HTR1E: variants seen among roughly 807,000 people sequenced by gnomAD.
HTR1E encodes 5-HT-1E.
In HTR1E, 3 loss-of-function variants were observed where a neutral mutation model predicts 3.4. The ratio of observed to expected loss-of-function variants is 0.89; its 90% confidence interval spans 0.41 to 2.31. HTR1E has a LOEUF of 2.31. HTR1E is among the 30% of genes most tolerant of loss of function. HTR1E has a pLI of 0.05. For missense variants in HTR1E, 392 were observed against 467.0 expected (o/e 0.84, Z 1.48); for synonymous variants, 170 against 182.8 (o/e 0.93, Z 0.56).
At chr6:86,938,184 G>A (rs986207917) in intron 1 of HTR1E, among the ~76,000 whole-genome samples, 6 of 152,158 alleles carry the variant, frequency 3.9e-5, no homozygotes, top group African/African-American at 1.4e-4. Context: ...GAAAACTTGA[G>A]TAGAAATCAC....
chr6:86,986,971 A>G (rs924071024), intron 1 of HTR1E, among the ~76,000 whole-genome samples: 24 of 152,214 alleles, frequency 1.6e-4, no homozygotes, highest in African/African-American at 5.3e-4. Flanking sequence ...GACAAAGTAA[A>G]TATTGGAAAC....
At chr6:87,007,513 T>G (rs1391677243) in intron 1 of HTR1E, among the ~76,000 whole-genome samples, 1 of 152,252 alleles carries the variant, frequency 6.6e-6, no homozygotes, top group Non-Finnish European at 1.5e-5. Context: ...GAATAAATGC[T>G]GAGGTATTAA....
intron 1 of HTR1E, among the ~76,000 whole-genome samples, chr6:86,981,953 C>T (rs1767718248): frequency 6.6e-6 from 1 of 152,152 alleles, no homozygotes; most frequent in Non-Finnish European, 1.5e-5. Flanking sequence ...GAAAATGAAG[C>T]TGTTCACTTA....
At chr6:86,963,459 T>A (rs1042203250) in intron 1 of HTR1E, among the ~76,000 whole-genome samples, 1 of 152,178 alleles carries the variant, frequency 6.6e-6, no homozygotes, top group African/African-American at 2.4e-5. Context: ...ATATTGTTTA[T>A]AAATTTAATG....
intron 1 of HTR1E, among the ~76,000 whole-genome samples, chr6:86,954,484 T>C (rs1767294121): frequency 6.6e-6 from 1 of 152,184 alleles, no homozygotes; most frequent in Non-Finnish European, 1.5e-5. Flanking sequence ...GAGGATTTGA[T>C]TGTCCCAGAT....
chr6:86,959,674 G>A (rs566576096), intron 1 of HTR1E, among the ~76,000 whole-genome samples: 2 of 152,308 alleles, frequency 1.3e-5, no homozygotes, highest in South Asian at 2.1e-4. Context: ...GTAACACAGA[G>A]AGTATCCTGT....
intron 1 of HTR1E, among the ~76,000 whole-genome samples, chr6:87,004,998 A>AAT (rs2127831344): frequency 6.6e-6 from 1 of 152,186 alleles, no homozygotes; most frequent in South Asian, 2.1e-4. Context: ...AATTGCTACA[A>AAT]ATAAAATAAA....
intron 1 of HTR1E, among the ~76,000 whole-genome samples, chr6:86,939,270 T>C (rs191894242): frequency 4.7e-4 from 72 of 152,344 alleles, no homozygotes; most frequent in Middle Eastern, 6.8e-3. Context: ...ACCTCCTAAG[T>C]GGGACTCAGC....
At chr6:86,971,618 G>T (rs1364324158) in intron 1 of HTR1E, among the ~76,000 whole-genome samples, 5 of 150,850 alleles carry the variant, frequency 3.3e-5, no homozygotes, top group Non-Finnish European at 5.9e-5. Context: ...AAAAAAAAAT[G>T]AGTTTGGATT....
intron 1 of HTR1E, among the ~76,000 whole-genome samples, chr6:86,991,526 G>A (rs1347854766): frequency 6.6e-6 from 1 of 152,092 alleles, no homozygotes. Context: ...CTCTTCCCTG[G>A]AGCATGGTAG....
At chr6:86,974,610 A>G (rs1027698210) in intron 1 of HTR1E, among the ~76,000 whole-genome samples, 6 of 152,172 alleles carry the variant, frequency 3.9e-5, no homozygotes, top group African/African-American at 1.4e-4. Flanking sequence ...AATTTGTTCT[A>G]TTATTAGTTA....
chr6:86,985,594 A>G (rs751236387), intron 1 of HTR1E, among the ~76,000 whole-genome samples: 14 of 152,212 alleles, frequency 9.2e-5, no homozygotes, highest in Non-Finnish European at 2.1e-4. Flanking sequence ...TCCAAATCAA[A>G]GGAACTAGGA....
chr6:86,980,859 A>C (rs1169042867), intron 1 of HTR1E, among the ~76,000 whole-genome samples: 2 of 152,158 alleles, frequency 1.3e-5, no homozygotes, highest in Admixed American at 1.3e-4. Context: ...TTGAGTTGTT[A>C]TGAACCTAAA....
intron 1 of HTR1E, among the ~76,000 whole-genome samples, chr6:86,948,262 G>A (rs923183714): frequency 6.6e-6 from 1 of 152,072 alleles, no homozygotes; most frequent in Admixed American, 6.5e-5. Flanking sequence ...AGTTTCACAT[G>A]TAATTATTAT....
chr6:86,996,834 TA>T lies in HTR1E; in HGVS notation c.-185-18315del, dbSNP rs535954039. Among the ~76,000 whole-genome samples the T allele has an allele frequency of 9.2e-5, 14 of 152,084 alleles. No homozygotes were observed. In the East Asian group the frequency reaches 2.7e-3, roughly 29 times the overall value. On this transcript the variant is annotated intron_variant, in intron 1 of 1. Transcript: ENST00000305344. ...AAAAGATTAAAGAATTAACACCAGT[TA>T]CACAATCTCTTGCAGAAAATAGAAA...
At chr6:86,947,070 C>T (rs1326326480) in intron 1 of HTR1E, among the ~76,000 whole-genome samples, 2 of 151,808 alleles carry the variant, frequency 1.3e-5, no homozygotes, top group African/African-American at 4.8e-5. Flanking sequence ...GAGCCGAGAT[C>T]GCGCCATTGC....
intron 1 of HTR1E, among the ~76,000 whole-genome samples, chr6:86,988,577 T>C (rs75381297): frequency 2.0e-5 from 3 of 152,112 alleles, no homozygotes; most frequent in Admixed American, 2.0e-4. Context: ...ACCTAAATCA[T>C]TTATAGTAGG....
At chr6:87,012,691 T>G (rs1019123281) in intron 1 of HTR1E, among the ~76,000 whole-genome samples, 1 of 152,246 alleles carries the variant, frequency 6.6e-6, no homozygotes, top group African/African-American at 2.4e-5. Flanking sequence ...GTATAACAAA[T>G]GACCGCAAAC....
intron 1 of HTR1E, among the ~76,000 whole-genome samples, chr6:87,008,779 TTAAAA>T (rs1037124900): frequency 9.8e-5 from 15 of 152,296 alleles, no homozygotes; most frequent in African/African-American, 3.4e-4. Context: ...ACCTCTTAAA[TTAAAA>T]TAAATGTATA....
Sources: allele counts gnomAD v4.1 joint callset (sites outside exome capture counted in the v4.1 genomes callset), GRCh38; gene constraint gnomAD v4.1.1; transcripts MANE v1.5; gene names NCBI Gene and HGNC (gene_info 2026-07-23, HGNC 2026-07-21).